The following PTPRD variants were observed in gnomAD, a reference collection of about 807,000 sequenced individuals.
PTPRD encodes protein tyrosine phosphatase receptor type D.
A neutral mutation model predicts 214.5 loss-of-function variants in PTPRD; 34 were observed. The ratio of observed to expected loss-of-function variants is 0.16; its 90% CI spans 0.12 to 0.21. PTPRD has a LOEUF of 0.21. PTPRD is among the 10% of genes least tolerant of loss of function. PTPRD has a pLI of 1.00. For missense variants in PTPRD, 2,545 were observed against 2,398.7 expected (o/e 1.06, Z -1.27); for synonymous variants, 1,128 against 845.7 (o/e 1.33, Z -5.79).
chr9:8,931,838 C>T (rs1386139628), intron 11 of PTPRD, among the ~76,000 whole-genome samples: 2 of 152,022 alleles, frequency 1.3e-5, no homozygotes, highest in East Asian at 3.9e-4. Flanking sequence ...GCCTCAATTT[C>T]AGAACTTGTT....
At chr9:10,531,039 T>A (rs1485358612) in intron 2 of PTPRD, among the ~76,000 whole-genome samples, 12 of 152,038 alleles carry the variant, frequency 7.9e-5, no homozygotes, top group Admixed American at 2.6e-4. Context: ...AACCTCCACT[T>A]CCCAGGTTCA....
intron 9 of PTPRD, among the ~76,000 whole-genome samples, chr9:9,188,375 T>C (rs1156628940): frequency 2.0e-5 from 3 of 152,078 alleles, no homozygotes; most frequent in African/African-American, 7.2e-5. Flanking sequence ...TTGTAGATAA[T>C]GAGGAGTGGA....
intron 14 of PTPRD, among the ~76,000 whole-genome samples, chr9:8,617,473 C>T (rs78751401): frequency 0.085 from 12,898 of 152,118 alleles, 665 homozygotes; most frequent in Middle Eastern, 0.17. Context: ...TACTAGGCTA[C>T]AATCAACATC....
chr9:10,053,763 C>T (rs994909059), intron 3 of PTPRD, among the ~76,000 whole-genome samples: 5 of 151,944 alleles, frequency 3.3e-5, no homozygotes, highest in South Asian at 4.1e-4. Flanking sequence ...AGGATGACTT[C>T]GCAACTTTTT....
chr9:8,618,536 G>A (rs1417771447), intron 14 of PTPRD, among the ~76,000 whole-genome samples: 2 of 151,964 alleles, frequency 1.3e-5, no homozygotes, highest in Non-Finnish European at 2.9e-5. Context: ...CCAATGGTAT[G>A]GTATCTTGAC....
At chr9:10,319,380 T>C (rs1332838670) in intron 3 of PTPRD, among the ~76,000 whole-genome samples, 1 of 152,106 alleles carries the variant, frequency 6.6e-6, no homozygotes, top group Admixed American at 6.6e-5. Flanking sequence ...AACTAATAAG[T>C]ACATCTGAAA....
At chr9:9,796,541 A>C (rs981506701) in intron 5 of PTPRD, among the ~76,000 whole-genome samples, 1 of 152,146 alleles carries the variant, frequency 6.6e-6, no homozygotes, top group African/African-American at 2.4e-5. Context: ...ATTCTCAGGG[A>C]GGGACTTTTC....
intron 5 of PTPRD, among the ~76,000 whole-genome samples, chr9:9,924,359 C>A (rs1566372368): frequency 6.6e-6 from 1 of 151,944 alleles, no homozygotes; most frequent in South Asian, 2.1e-4. Context: ...AGGACTATAG[C>A]ATAGAGAAGT....
At chr9:10,354,683 T>G (rs1016157760) in intron 2 of PTPRD, among the ~76,000 whole-genome samples, 1 of 152,168 alleles carries the variant, frequency 6.6e-6, no homozygotes, top group African/African-American at 2.4e-5. Context: ...ACTAGAAGGA[T>G]TATATGAGGA....
chr9:9,614,655 T>C (rs552565298), intron 7 of PTPRD, among the ~76,000 whole-genome samples: 50 of 152,310 alleles, frequency 3.3e-4, no homozygotes, highest in African/African-American at 1.2e-3. Context: ...ATTCTTCAAA[T>C]TATTTTGCAG....
intron 36 of PTPRD, among the ~76,000 whole-genome samples, chr9:8,400,001 C>G (rs917172424): frequency 2.6e-5 from 4 of 151,892 alleles, no homozygotes; most frequent in African/African-American, 9.7e-5. Flanking sequence ...TAATAGATAA[C>G]CAGATAATCA....
intron 9 of PTPRD, among the ~76,000 whole-genome samples, chr9:9,322,731 C>G (rs551709782): frequency 6.6e-6 from 1 of 151,954 alleles, no homozygotes; most frequent in African/African-American, 2.4e-5. Flanking sequence ...TGGTTTCAAC[C>G]GTTTTGTAGA....
intron 35 of PTPRD, among the ~76,000 whole-genome samples, chr9:8,407,238 C>T (rs72691059): frequency 9.9e-5 from 15 of 152,226 alleles, no homozygotes; most frequent in Non-Finnish European, 2.1e-4. Context: ...TATAAAAATA[C>T]GTGCTAGGTC....
intron 12 of PTPRD, among the ~76,000 whole-genome samples, chr9:8,711,258 T>C (rs1381488248): frequency 7.1e-6 from 1 of 141,398 alleles, no homozygotes; most frequent in African/African-American, 2.7e-5. Flanking sequence ...AATAGTTTAT[T>C]CAAACATATA....
Position 9,264,870 on chromosome 9 carries a change from G to A in PTPRD, c.-202-81507C>T, listed in dbSNP as rs59826912. Among the ~76,000 whole-genome samples the A allele has an allele frequency of 9.5e-3, 1,414 of 148,606 alleles. 17 individuals carry two copies. The highest frequency in any genetic ancestry group is 0.033 in the African/African-American group (1,324 of 40,416). Reference sequence around the variant, plus strand: ...CAGAAGCCTTGCAGGCCAGGAGAAAGTGGAATGACGTATTCAAAGTGATGA... The same window carrying A: ...CAGAAGCCTTGCAGGCCAGGAGAAAATGGAATGACGTATTCAAAGTGATGA... On this transcript the variant is annotated intron_variant, in intron 9 of 45. Coordinates refer to ENST00000381196, the MANE Select transcript of PTPRD (RefSeq NM_002839.4).
At chr9:10,252,557 T>G (rs1479868989) in intron 3 of PTPRD, among the ~76,000 whole-genome samples, 1 of 151,962 alleles carries the variant, frequency 6.6e-6, no homozygotes, top group African/African-American at 2.4e-5. Context: ...TAATAAGAGA[T>G]ATTATTATTC....
At chr9:9,300,342 A>T (rs1174146736) in intron 9 of PTPRD, among the ~76,000 whole-genome samples, 3 of 151,654 alleles carry the variant, frequency 2.0e-5, no homozygotes, top group African/African-American at 7.3e-5. Context: ...AGATCAATGT[A>T]TTCCAGTGAC....
intron 9 of PTPRD, among the ~76,000 whole-genome samples, chr9:9,387,638 C>T (rs983447205): frequency 6.6e-6 from 1 of 152,070 alleles, no homozygotes; most frequent in Non-Finnish European, 1.5e-5. Context: ...ATTATGGACA[C>T]TTCAGAGGCA....
At chr9:8,349,128 G>A (rs2074697315) in intron 39 of PTPRD, among the ~76,000 whole-genome samples, 1 of 152,128 alleles carries the variant, frequency 6.6e-6, no homozygotes, top group African/African-American at 2.4e-5. Flanking sequence ...TTTCCCCGAA[G>A]CCCCCAGCAT....
Sources: gnomAD v4.1 joint callset for allele counts (sites outside exome capture counted in the v4.1 genomes callset) on GRCh38, gnomAD v4.1.1 for gene constraint, MANE v1.5 for transcripts, NCBI Gene and HGNC (gene_info 2026-07-23, HGNC 2026-07-21) for gene names.